Variants in DEFB115 observed in about 807,000 individuals in gnomAD.
DEFB115 encodes the protein beta-defensin 115.
A neutral mutation model predicts 8.8 loss-of-function variants in DEFB115; 7 were observed. The ratio of observed to expected loss-of-function variants is 0.79; its 90% CI spans 0.45 to 1.49. The LOEUF is 1.49. DEFB115 is among the 40% of genes most tolerant of loss of function. The pLI is 0.01. For synonymous variants in DEFB115, 62 were observed against 37.6 expected, an observed-to-expected ratio of 1.65 and a Z score of -2.37; for missense variants, 143 against 99.4, an observed-to-expected ratio of 1.44 and a Z score of -1.86.
chr20:31,259,440 G>A lies in DEFB115; in HGVS notation c.95-20G>A. On this transcript the variant is annotated intron_variant, in intron 1 of 1. Coordinates refer to ENST00000400552, the MANE Select transcript of DEFB115 (RefSeq NM_001037730.1). ...TTTTCAAATGTATTTATATATTCAT[G>A]TGTTTGCTTATTTTGATAGATGGAT... The A allele has an allele frequency of 1.3e-6, 2 of 1,573,842 alleles. No individual in the cohort carries two copies. The highest frequency in any genetic ancestry group is 8.6e-7 in the Non-Finnish European group (1 of 1,164,712).
In DEFB115 at chr20:31,257,718, G is replaced by A; in HGVS notation, c.55G>A (p.Ala19Thr). 4 of 1,613,950 alleles carry A rather than the reference G, an allele frequency of 2.5e-6. No individual in the cohort carries two copies. Among genetic ancestry groups the A allele is most frequent in the Non-Finnish European group, 3.4e-6 (4 of 1,179,934 alleles). ...AGGAGACATTAAACTCTCTGTCCTG[G>A]CCTTAGTTGTCCTTGTGGTCCTGGC... is the stretch of plus-strand genomic sequence containing the variant. ...LSGDIKLSVL[A>T]LVVLVVLAQT... Residue 19 changes from alanine to threonine, a missense_variant, in exon 1 of 2, where the codon GCC becomes ACC. Coordinates refer to ENST00000400552, the MANE Select transcript of DEFB115 (RefSeq NM_001037730.1).
Position 31,259,581 on chromosome 20 carries a change from T to C in DEFB115, c.216T>C (p.Asp72=), listed in dbSNP as rs1472484026. The change falls in exon 2 of 2, where the codon GAT becomes GAC. Residue 72 remains aspartate (D), a synonymous_variant. Transcript: ENST00000400552. ...KHICCVPKEK[D]KLSHIHDQKE... ...TTTGCTGTGTCCCTAAAGAAAAGGA[T>C]AAACTATCACACATTCACGACCAAA... The C allele has an allele frequency of 6.2e-7, 1 of 1,612,056 alleles. No individual in the cohort carries two copies.
chr20:31,258,704 G>A (rs753757587), intron 1 of DEFB115, among the ~76,000 whole-genome samples: 3 of 152,150 alleles, frequency 2.0e-5, no homozygotes, highest in Non-Finnish European at 4.4e-5. Context: ...AAAAGTGAGA[G>A]TCAATGTGAC....
intron 1 of DEFB115, 79 bp downstream of exon 1, chr20:31,257,836 G>T: frequency 7.6e-7 from 1 of 1,308,886 alleles, no homozygotes; most frequent in Non-Finnish European, 1.1e-6. Flanking sequence ...AATTGAACAT[G>T]TGTAGAAGCA....
At chr20:31,258,918 G>A (rs1240824782) in intron 1 of DEFB115, among the ~76,000 whole-genome samples, 1 of 151,848 alleles carries the variant, frequency 6.6e-6, no homozygotes, top group Admixed American at 6.6e-5. Flanking sequence ...ATCAGAGAAG[G>A]GCACAGTGTT....
chr20:31,257,780 G>A (rs576821282), intron 1 of DEFB115, 23 bp downstream of exon 1: 9 of 1,592,246 alleles, frequency 5.7e-6, no homozygotes, highest in Non-Finnish European at 7.8e-6. Flanking sequence ...ATGGAGAGAA[G>A]GGAAAAGGGA....
At chr20:31,258,745 AAGAC>A (rs1983821437) in intron 1 of DEFB115, among the ~76,000 whole-genome samples, 1 of 152,190 alleles carries the variant, frequency 6.6e-6, no homozygotes, top group African/African-American at 2.4e-5. Context: ...ATTCTGGTAA[AAGAC>A]AGAGAATTAG....
chr20:31,257,816 A>C (rs544800472), intron 1 of DEFB115, 59 bp downstream of exon 1: 1 of 1,456,838 alleles, frequency 6.9e-7, no homozygotes, highest in African/African-American at 1.4e-5. Context: ...TAACCACAGA[A>C]TCACTGGAAA....
chr20:31,259,282 G>T (rs191440666), intron 1 of DEFB115, among the ~76,000 whole-genome samples, 178 bp from the exon 2 acceptor site: 1 of 152,204 alleles, frequency 6.6e-6, no homozygotes, highest in East Asian at 1.9e-4. Flanking sequence ...CTGATTAGAG[G>T]AAGATAACTA....
chr20:31,257,771 T>C lies in DEFB115; in HGVS notation c.94+14T>C. ...AGACTGCCCCAGGTAAACAGAACCATGGAGAGAAGGGAAAAGGGAGTAAGG... is the reference window on the plus strand; with the variant it reads ...AGACTGCCCCAGGTAAACAGAACCACGGAGAGAAGGGAAAAGGGAGTAAGG... On this transcript the variant is annotated intron_variant, in intron 1 of 1. Transcript: ENST00000400552. The C allele has an allele frequency of 6.2e-7, 1 of 1,603,656 alleles. No homozygotes were observed. The highest frequency in any genetic ancestry group is 8.5e-7 in the Non-Finnish European group (1 of 1,170,750).
chr20:31,258,657 A>T (rs1983819253), intron 1 of DEFB115, among the ~76,000 whole-genome samples: 2 of 152,310 alleles, frequency 1.3e-5, no homozygotes, highest in South Asian at 4.1e-4. Flanking sequence ...ATTTTGGAGA[A>T]AGAATCTACA....
At chr20:31,259,053 A>AC (rs1983831609) in intron 1 of DEFB115, among the ~76,000 whole-genome samples, 1 of 152,114 alleles carries the variant, frequency 6.6e-6, no homozygotes, top group African/African-American at 2.4e-5. Flanking sequence ...TGGGGCAAGC[A>AC]CCCCTAGAAC....
intron 1 of DEFB115, among the ~76,000 whole-genome samples, chr20:31,258,942 A>G (rs967983116): frequency 2.0e-5 from 3 of 152,008 alleles, no homozygotes; most frequent in African/African-American, 7.2e-5. Flanking sequence ...CCCTCCCTGC[A>G]CCCACCCCCC....
chr20:31,259,332 A>G, intron 1 of DEFB115, 128 bp from the exon 2 acceptor site: 1 of 939,360 alleles, frequency 1.1e-6, no homozygotes, highest in Non-Finnish European at 1.5e-6. Flanking sequence ...TAACATTCCC[A>G]TGAATGCCTT....
intron 1 of DEFB115, among the ~76,000 whole-genome samples, chr20:31,258,859 G>C (rs1002303902): frequency 2.0e-5 from 3 of 152,142 alleles, no homozygotes; most frequent in Admixed American, 2.0e-4. Context: ...CCAATGTGCT[G>C]AGAAAACTGG....
rs1983814662 is a variant in DEFB115, at chr20:31,258,533, C to T, written c.94+776C>T. 2.0e-5 allele frequency among the ~76,000 whole-genome samples: 3 copies of T among 152,198 alleles called. No individual in the cohort carries two copies. The South Asian group carries it at 6.2e-4, about 32-fold the overall frequency. ...AAGCTGAAAGCCTTTGCCAATCACT[C>T]AGTTGTTCTAGAAGCAAAAGAAGGT... On this transcript the variant is annotated intron_variant, in intron 1 of 1. Coordinates refer to ENST00000400552, the MANE Select transcript of DEFB115 (RefSeq NM_001037730.1).
At chr20:31,258,130 T>C (rs967816811) in intron 1 of DEFB115, among the ~76,000 whole-genome samples, 1 of 152,190 alleles carries the variant, frequency 6.6e-6, no homozygotes, top group Non-Finnish European at 1.5e-5. Context: ...CTTCTAATAA[T>C]CAGTCTCATT....
In DEFB115 at chr20:31,257,714, C is replaced by T. The variant is rs763374351; in HGVS notation, c.51C>T (p.Val17=). The T allele has an allele frequency of 7.4e-6, 12 of 1,613,882 alleles. No homozygotes were observed. The highest frequency in any genetic ancestry group is 2.7e-5 in the African/African-American group (2 of 74,884). Residue 17 remains valine, a synonymous_variant, in exon 1 of 2, where the codon GTC becomes GTT. Coordinates refer to ENST00000400552, the MANE Select transcript of DEFB115 (RefSeq NM_001037730.1). ...SPLSGDIKLS[V]LALVVLVVLA... ...TCTCAGGAGACATTAAACTCTCTGT[C>T]CTGGCCTTAGTTGTCCTTGTGGTCC...
chr20:31,259,613 C>A lies in DEFB115; in HGVS notation c.248C>A (p.Thr83Lys). The change falls in exon 2 of 2, where the codon ACA (threonine) becomes AAA (lysine). Residue 83 changes from threonine (T) to lysine (K), a missense_variant. Coordinates refer to ENST00000400552, the MANE Select transcript of DEFB115 (RefSeq NM_001037730.1). ...KLSHIHDQKE[T>K]SELYI is the part of the protein sequence containing the mutation. The stretch of plus-strand genomic sequence containing the variant: ...TCACACATTCACGACCAAAAAGAGA[C>A]AAGTGAGCTATATATCTAGTTGCGA... 2 of 1,603,514 alleles carry A rather than the reference C, an allele frequency of 1.2e-6. No individual in the cohort carries two copies. The highest frequency in any genetic ancestry group is 2.7e-5 in the African/African-American group (2 of 74,220).
Sources: allele counts gnomAD v4.1 joint callset (sites outside exome capture counted in the v4.1 genomes callset), GRCh38; gene constraint gnomAD v4.1.1; transcripts MANE v1.5; gene names NCBI Gene and HGNC (gene_info 2026-07-23, HGNC 2026-07-21).